SIPA1L2: variants seen among roughly 807,000 people sequenced by gnomAD.
SIPA1L2 encodes the protein signal-induced proliferation-associated 1-like protein 2.
In SIPA1L2, 56 loss-of-function variants were observed where a neutral mutation model predicts 163.9. The ratio of observed to expected loss-of-function variants is 0.34; its 90% CI spans 0.28 to 0.43. The LOEUF is 0.43. SIPA1L2 is among the 20% of genes least tolerant of loss of function. The probability of loss-of-function intolerance (pLI) is 1.00; values close to 1 mark genes in which losing one functional copy is unlikely to be tolerated. For missense variants in SIPA1L2, 1,974 were observed against 2,193.5 expected (o/e 0.90, Z 2.00); for synonymous variants, 877 against 865.7 (o/e 1.01, Z -0.23).
At position 232,425,685 on chromosome 1, in the gene SIPA1L2, C is replaced by T. The variant is rs1258429566; in HGVS notation, c.4534G>A (p.Ala1512Thr). ...GSSRSSVLDQ[A>T]LPNDILFSTT... Reference sequence around the variant, plus strand: ...CTGAACAGAATGTCGTTGGGCAGGGCCTGGTCAAGCACGGAACTCCGGGAA... The same window carrying T: ...CTGAACAGAATGTCGTTGGGCAGGGTCTGGTCAAGCACGGAACTCCGGGAA... Residue 1512 changes from alanine (A) to threonine (T), a missense_variant, in exon 18 of 23, where the codon GCC becomes ACC. Around this residue, in one of 3 missense-constraint regions of SIPA1L2, gnomAD observed 1,079 missense variants for 1,150.7 expected, o/e 0.94. Coordinates refer to ENST00000674635, the MANE Select transcript of SIPA1L2 (RefSeq NM_020808.5). The T allele has an allele frequency of 6.2e-7, 1 of 1,613,844 alleles. No individual in the cohort carries two copies. Among genetic ancestry groups the T allele is most frequent in the East Asian group, 2.2e-5 (1 of 44,862 alleles).
intron 9 of SIPA1L2, chr1:232,462,518 G>T: frequency 1.7e-6 from 1 of 598,028 alleles, no homozygotes; most frequent in Non-Finnish European, 2.7e-6. Context: ...TCCCAGACAG[G>T]CATGACAGTT....
intron 3 of SIPA1L2, among the ~76,000 whole-genome samples, chr1:232,503,982 G>C (rs530281507): frequency 6.6e-6 from 1 of 152,264 alleles, no homozygotes; most frequent in East Asian, 1.9e-4. Context: ...CTTGAGGCCA[G>C]GAGTTTGAGA....
chr1:232,435,256 G>A (rs965570738), intron 15 of SIPA1L2, among the ~76,000 whole-genome samples: 1 of 152,106 alleles, frequency 6.6e-6, no homozygotes, highest in Admixed American at 6.5e-5. Flanking sequence ...CAAACTCTAT[G>A]TATTTTTCCA....
chr1:232,490,156 T>C (rs1303716896), intron 5 of SIPA1L2, among the ~76,000 whole-genome samples: 1 of 152,136 alleles, frequency 6.6e-6, no homozygotes, highest in Admixed American at 6.5e-5. Flanking sequence ...TGTTCTAGTC[T>C]CGTCTTACTT....
chr1:232,517,447 A>T (rs868822107), intron 2 of SIPA1L2, among the ~76,000 whole-genome samples: 2 of 152,192 alleles, frequency 1.3e-5, no homozygotes, highest in Non-Finnish European at 2.9e-5. Context: ...CCTATTCACC[A>T]CGCTCCACAG....
intron 9 of SIPA1L2, among the ~76,000 whole-genome samples, chr1:232,463,902 G>A (rs142543256): frequency 5.9e-4 from 90 of 152,276 alleles, no homozygotes; most frequent in African/African-American, 2.1e-3. Context: ...AAGGCTAGCA[G>A]ACACTGCCCT....
intron 1 of SIPA1L2, among the ~76,000 whole-genome samples, chr1:232,614,791 G>C (rs1185896276): frequency 6.6e-6 from 1 of 152,170 alleles, no homozygotes; most frequent in African/African-American, 2.4e-5. Context: ...ACAAAAATTT[G>C]AAATGTCATT....
intron 21 of SIPA1L2, among the ~76,000 whole-genome samples, chr1:232,403,073 G>A (rs552336764): frequency 2.6e-5 from 4 of 152,354 alleles, no homozygotes; most frequent in African/African-American, 9.6e-5. Context: ...AGCATGTGCA[G>A]CCTGGCAGGT....
chr1:232,402,634 T>TG (rs1660413917), intron 21 of SIPA1L2, 161 bp from the exon 22 acceptor site: 2 of 542,340 alleles, frequency 3.7e-6, no homozygotes, highest in Non-Finnish European at 6.4e-6. Flanking sequence ...GCTGATCTAG[T>TG]GGAAAGCCCA....
At chr1:232,602,070 C>G (rs1661624848) in intron 1 of SIPA1L2, among the ~76,000 whole-genome samples, 1 of 152,028 alleles carries the variant, frequency 6.6e-6, no homozygotes, top group Non-Finnish European at 1.5e-5. Context: ...TAAACAAATG[C>G]TACAAGGCAA....
chr1:232,610,181 T>C (rs1408420413), intron 1 of SIPA1L2, among the ~76,000 whole-genome samples: 1 of 152,238 alleles, frequency 6.6e-6, no homozygotes, highest in African/African-American at 2.4e-5. Context: ...AATGTTGTAC[T>C]GTATATCTCT....
intron 10 of SIPA1L2, among the ~76,000 whole-genome samples, chr1:232,455,800 C>A (rs1663878510): frequency 6.6e-6 from 1 of 151,760 alleles, no homozygotes; most frequent in Non-Finnish European, 1.5e-5. Flanking sequence ...TCTTTTGCAG[C>A]AACACAGGTG....
rs114865126 is a variant in SIPA1L2 at position 232,516,322 on chromosome 1, T to G, written c.-269-714A>C. ...TAGTGAGATACTGGGTAAGAAGCTG[T>G]TTTCTTGTACCTCAGTTGTCAGTTT... is the stretch of plus-strand genomic sequence containing the variant. On this transcript the variant is annotated intron_variant, in intron 2 of 22. Transcript: ENST00000674635. Among the ~76,000 whole-genome samples, 1,014 of 152,262 alleles carry G rather than the reference T, an allele frequency of 6.7e-3. 15 individuals carry two copies. The highest frequency in any genetic ancestry group is 0.023 in the African/African-American group (971 of 41,540).
intron 10 of SIPA1L2, among the ~76,000 whole-genome samples, chr1:232,448,200 A>G (rs971223200): frequency 2.0e-5 from 3 of 152,206 alleles, no homozygotes; most frequent in African/African-American, 7.2e-5. Context: ...CCAACTGCAC[A>G]GTGCAAGGCG....
chr1:232,498,921 C>T (rs566700000), intron 3 of SIPA1L2, among the ~76,000 whole-genome samples: 1 of 152,308 alleles, frequency 6.6e-6, no homozygotes, highest in Admixed American at 6.5e-5. Context: ...CATTATTTAG[C>T]CTTCCAAATA....
chr1:232,557,797 C>T (rs1658800153), intron 2 of SIPA1L2, among the ~76,000 whole-genome samples: 2 of 152,274 alleles, frequency 1.3e-5, no homozygotes, highest in South Asian at 4.1e-4. Flanking sequence ...AGATGCCTGG[C>T]ACAGTGAAGA....
At chr1:232,498,644 G>A (rs1261848472) in intron 3 of SIPA1L2, among the ~76,000 whole-genome samples, 1 of 152,052 alleles carries the variant, frequency 6.6e-6, no homozygotes, top group South Asian at 2.1e-4. Flanking sequence ...CTTGGCTCAT[G>A]GCCCTTCCTC....
chr1:232,461,144 G>C lies in SIPA1L2; in HGVS notation c.2838C>G (p.Cys946Trp), dbSNP rs778068976. The C allele has an allele frequency of 6.2e-7, 1 of 1,614,088 alleles. No homozygotes were observed. ...VQRLVIVTRG[C>W]ETVEMTLRRN... ...TCCTCAGGGTCATTTCCACAGTCTC[G>C]CAGCCTCTCGTCACTATCTAAGGGG... Residue 946 changes from cysteine (C) to tryptophan (W), a missense_variant, in exon 10 of 23, where the codon TGC (cysteine) becomes TGG (tryptophan). Physicochemically the swap from Cys to Trp is radical, Grantham distance 215 (BLOSUM62 -2). Transcript: ENST00000674635.
At chr1:232,540,845 C>T (rs1314061822) in intron 2 of SIPA1L2, among the ~76,000 whole-genome samples, 1 of 152,108 alleles carries the variant, frequency 6.6e-6, no homozygotes, top group Non-Finnish European at 1.5e-5. Flanking sequence ...CATCAGGCAC[C>T]TTGCTATTAA....
Sources: allele counts gnomAD v4.1 joint callset (sites outside exome capture counted in the v4.1 genomes callset), GRCh38; gene constraint gnomAD v4.1.1; regional missense constraint gnomAD v4.1.1; transcripts MANE v1.5; gene names NCBI Gene and HGNC (gene_info 2026-07-23, HGNC 2026-07-21).